Variants in INPP4B observed in about 807,000 individuals in gnomAD.
The protein encoded by INPP4B is inositol polyphosphate-4-phosphatase type II B.
A neutral mutation model predicts 122.5 loss-of-function variants in INPP4B; 55 were observed. The observed-to-expected ratio is 0.45, with a 90% CI of 0.36 to 0.56. The LOEUF is 0.56. INPP4B is among the 20% of genes least tolerant of loss of function. The probability of loss-of-function intolerance (pLI) is 0.00; values close to 1 mark genes in which losing one functional copy is unlikely to be tolerated. For missense variants in INPP4B, 1,000 were observed against 1,097.7 expected, an observed-to-expected ratio of 0.91 and a Z score of 1.26; for synonymous variants, 403 against 388.7, an observed-to-expected ratio of 1.04 and a Z score of -0.43.
intron 7 of INPP4B, among the ~76,000 whole-genome samples, chr4:142,338,306 G>A (rs1356769456): frequency 6.6e-6 from 1 of 152,142 alleles, no homozygotes; most frequent in Non-Finnish European, 1.5e-5. Context: ...TGCCATCTAG[G>A]CTCACTGCAA....
rs558427552 is a variant in INPP4B, at chr4:142,626,438, G to C, written c.-191+99401C>G. Among the ~76,000 whole-genome samples the C allele has an allele frequency of 2.2e-4, 33 of 152,094 alleles. 1 individual carries two copies. The highest frequency in any genetic ancestry group is 8.3e-4 in the South Asian group (4 of 4,826). ...AAGGAGTGATGTGGCAAGGATGTGA[G>C]AGCAGCCACAGGAGGCTGAGATCAA... is the stretch of plus-strand genomic sequence containing the variant. On this transcript the variant is annotated intron_variant, in intron 2 of 25. Transcript: ENST00000262992.
At chr4:142,503,220 G>A (rs2149829394) in intron 2 of INPP4B, among the ~76,000 whole-genome samples, 1 of 152,212 alleles carries the variant, frequency 6.6e-6, no homozygotes, top group Non-Finnish European at 1.5e-5. Flanking sequence ...GAGGGAAGAT[G>A]AATCAATCAA....
chr4:142,460,273 C>T (rs1816426228), intron 3 of INPP4B, among the ~76,000 whole-genome samples: 1 of 152,138 alleles, frequency 6.6e-6, no homozygotes, highest in Non-Finnish European at 1.5e-5. Flanking sequence ...TTAACCCAGG[C>T]TTCAAAATTC....
chr4:142,643,814 C>T (rs1033744637), intron 2 of INPP4B, among the ~76,000 whole-genome samples: 4 of 152,268 alleles, frequency 2.6e-5, no homozygotes, highest in African/African-American at 9.6e-5. Flanking sequence ...AAGTATGGTG[C>T]TGAATGGCAT....
At chr4:142,510,120 G>A (rs1824525494) in intron 2 of INPP4B, among the ~76,000 whole-genome samples, 1 of 152,028 alleles carries the variant, frequency 6.6e-6, no homozygotes, top group Admixed American at 6.6e-5. Flanking sequence ...TCAACATGAA[G>A]GTATTTCCTA....
chr4:142,240,566 G>A (rs2150012268), intron 11 of INPP4B, among the ~76,000 whole-genome samples: 1 of 152,086 alleles, frequency 6.6e-6, no homozygotes, highest in East Asian at 1.9e-4. Context: ...AATTGCCAGT[G>A]ATGTTGCCTA....
intron 7 of INPP4B, among the ~76,000 whole-genome samples, chr4:142,359,654 T>C (rs922109698): frequency 2.0e-5 from 3 of 151,990 alleles, no homozygotes; most frequent in Admixed American, 6.6e-5. Flanking sequence ...CTAAAATATA[T>C]TAAGTACTTT....
At chr4:142,640,953 G>A (rs1163002880) in intron 2 of INPP4B, among the ~76,000 whole-genome samples, 1 of 152,150 alleles carries the variant, frequency 6.6e-6, no homozygotes, top group East Asian at 1.9e-4. Context: ...GAAGTAGTAA[G>A]AACTCTGACT....
At chr4:142,435,335 G>A (rs1810202065) in intron 3 of INPP4B, among the ~76,000 whole-genome samples, 1 of 152,040 alleles carries the variant, frequency 6.6e-6, no homozygotes, top group Non-Finnish European at 1.5e-5. Flanking sequence ...GGAAAAAAAA[G>A]TCCTTTCAAT....
chr4:142,491,401 C>T (rs1187600328), intron 2 of INPP4B, among the ~76,000 whole-genome samples: 1 of 152,074 alleles, frequency 6.6e-6, no homozygotes, highest in Non-Finnish European at 1.5e-5. Context: ...AAAAATGGGC[C>T]ACAGCACTTT....
intron 9 of INPP4B, chr4:142,287,535 T>A (rs1038710591): frequency 6.6e-6 from 1 of 152,190 alleles, no homozygotes; most frequent in African/African-American, 2.4e-5. Context: ...TTTCCGAGCA[T>A]CACAATTAAT....
At chr4:142,736,332 A>G (rs1766886820) in intron 1 of INPP4B, among the ~76,000 whole-genome samples, 1 of 151,936 alleles carries the variant, frequency 6.6e-6, no homozygotes, top group African/African-American at 2.4e-5. Context: ...ATTTTTTTTT[A>G]CCACTAAGTG....
chr4:142,158,253 T>C (rs528303495), intron 17 of INPP4B, among the ~76,000 whole-genome samples: 1 of 152,230 alleles, frequency 6.6e-6, no homozygotes, highest in East Asian at 1.9e-4. Flanking sequence ...CAGATTTAAA[T>C]CTCCAGAATT....
At chr4:142,523,904 G>A (rs529343647) in intron 2 of INPP4B, among the ~76,000 whole-genome samples, 59 of 143,914 alleles carry the variant, frequency 4.1e-4, no homozygotes, top group East Asian at 1.9e-3. Context: ...GAGAATATGC[G>A]GTGTTTGGTT....
At chr4:142,036,505 G>A (rs1744068234) in intron 25 of INPP4B, among the ~76,000 whole-genome samples, 1 of 152,146 alleles carries the variant, frequency 6.6e-6, no homozygotes. Flanking sequence ...AGTCTGAAAA[G>A]TAATTTGAAA....
intron 18 of INPP4B, among the ~76,000 whole-genome samples, chr4:142,137,034 C>T (rs1010075241): frequency 6.6e-6 from 1 of 152,180 alleles, no homozygotes; most frequent in Non-Finnish European, 1.5e-5. Flanking sequence ...GAAAAAACTA[C>T]TTTAAAGTTC....
chr4:142,525,398 C>T (rs1235715898), intron 2 of INPP4B, among the ~76,000 whole-genome samples: 2 of 133,584 alleles, frequency 1.5e-5, no homozygotes, highest in East Asian at 3.9e-4. Context: ...CTTTAAAGTT[C>T]ATATGGAACC....
intron 1 of INPP4B, among the ~76,000 whole-genome samples, chr4:142,789,153 A>T (rs1197698231): frequency 6.6e-6 from 1 of 152,142 alleles, no homozygotes; most frequent in Non-Finnish European, 1.5e-5. Context: ...AGTTGAAAGC[A>T]TTCCCTCTGA....
chr4:142,226,514 C>G (rs1302079167), intron 12 of INPP4B, among the ~76,000 whole-genome samples: 1 of 152,148 alleles, frequency 6.6e-6, no homozygotes, highest in Non-Finnish European at 1.5e-5. Flanking sequence ...CTACTCTTCC[C>G]TTCCTAAAAG....
Sources: allele counts gnomAD v4.1 joint callset (sites outside exome capture counted in the v4.1 genomes callset), GRCh38; gene constraint gnomAD v4.1.1; transcripts MANE v1.5; gene names NCBI Gene and HGNC (gene_info 2026-07-23, HGNC 2026-07-21).